Variants in KPNA1 observed in about 807,000 individuals in gnomAD.
KPNA1 encodes importin subunit alpha-5.
KPNA1 carries 10 observed loss-of-function variants against 70.5 expected under a neutral mutation model. The observed-to-expected ratio is 0.14, with a 90% confidence interval of 0.09 to 0.24. The LOEUF (loss-of-function observed/expected upper bound fraction) is 0.24, where lower values mean the gene tolerates loss of function less well. Among genes scored for constraint, KPNA1 ranks in the 10% least tolerant of loss-of-function variants. KPNA1 has a pLI of 1.00. For synonymous variants in KPNA1, 192 were observed against 221.9 expected (o/e 0.87, Z 1.20); for missense variants, 397 against 637.9 (o/e 0.62, Z 4.07).
chr3:122,451,484 C>A, intron 8 of KPNA1, 50 bp downstream of exon 8: 1 of 992,454 alleles, frequency 1.0e-6, no homozygotes, highest in South Asian at 1.6e-5. Context: ...GGTTGCAATA[C>A]TCTTTTAATT....
intron 3 of KPNA1, among the ~76,000 whole-genome samples, chr3:122,465,436 T>G (rs1484090349): frequency 6.6e-6 from 1 of 152,240 alleles, no homozygotes; most frequent in Non-Finnish European, 1.5e-5. Context: ...GACTATCTCG[T>G]GTAATTTACT....
rs1167727657 is a variant in KPNA1, at chr3:122,422,507, G to A, written c.*4478C>T. On this transcript the variant is annotated 3_prime_UTR_variant, in exon 14 of 14. Coordinates refer to ENST00000344337, the MANE Select transcript of KPNA1 (RefSeq NM_002264.4). ...TTTCGTCATTTTAAGGGTGCTGATG[G>A]TAAGCAGGAGTCAGGAAGAATGGTC... 1.3e-5 allele frequency: 2 copies of A among 152,174 alleles called. No individual in the cohort carries two copies. Among genetic ancestry groups the A allele is most frequent in the African/African-American group, 4.8e-5 (2 of 41,412 alleles). 9.4% of individuals were successfully genotyped at this position (152,174 alleles called of 1,614,324 possible). A position where few individuals can be genotyped will look rare whatever the true frequency, so the allele number is the denominator to read the frequency against.
At chr3:122,453,606 G>A (rs943618539) in intron 6 of KPNA1, among the ~76,000 whole-genome samples, 1 of 151,680 alleles carries the variant, frequency 6.6e-6, no homozygotes, top group African/African-American at 2.4e-5. Context: ...ACGCGATCTC[G>A]GCTCACTGTA....
chr3:122,476,879 A>AC (rs2076505543), intron 2 of KPNA1, among the ~76,000 whole-genome samples: 1 of 150,524 alleles, frequency 6.6e-6, no homozygotes, highest in Non-Finnish European at 1.5e-5. Context: ...AAAAAAAAAA[A>AC]AAAAACTAAA....
At chr3:122,452,265 TTTTG>T (rs1235759517) in intron 6 of KPNA1, among the ~76,000 whole-genome samples, 1 of 151,900 alleles carries the variant, frequency 6.6e-6, no homozygotes, top group Non-Finnish European at 1.5e-5. Flanking sequence ...ACTAATTCAT[TTTTG>T]TTTGTTTTTG....
chr3:122,473,076 C>T (rs1366678096), intron 2 of KPNA1, among the ~76,000 whole-genome samples: 1 of 151,920 alleles, frequency 6.6e-6, no homozygotes, highest in Non-Finnish European at 1.5e-5. Flanking sequence ...GAGACTCTGT[C>T]TCAAAAAAAT....
Position 122,453,992 on chromosome 3 carries a change from C to T in KPNA1, c.442G>A (p.Ala148Thr). Residue 148 changes from alanine (A) to threonine (T), a missense_variant, in exon 6 of 14, where the codon GCT (alanine) becomes ACT (threonine). By Grantham distance (58) the Ala-to-Thr change is moderately conservative (BLOSUM62 0). Transcript: ENST00000344337. ...KENCTLQFES[A>T]WVLTNIASGN... Reference sequence around the variant, plus strand: ...GAAGCAATATTTGTCAGTACCCAAGCTGATTCAAACTATAAAGATAAAAAT... The same window carrying T: ...GAAGCAATATTTGTCAGTACCCAAGTTGATTCAAACTATAAAGATAAAAAT... The T allele has an allele frequency of 6.3e-7, 1 of 1,593,342 alleles. No individual in the cohort carries two copies. Among genetic ancestry groups the T allele is most frequent in the Non-Finnish European group, 8.6e-7 (1 of 1,168,522 alleles).
intron 1 of KPNA1, among the ~76,000 whole-genome samples, chr3:122,506,600 T>C (rs2076893135): frequency 1.3e-5 from 2 of 152,210 alleles, no homozygotes; most frequent in African/African-American, 4.8e-5. Flanking sequence ...AACCCTTCAA[T>C]AAAGCTTTTC....
At chr3:122,462,641 A>G (rs1444702505) in intron 4 of KPNA1, among the ~76,000 whole-genome samples, 2 of 152,050 alleles carry the variant, frequency 1.3e-5, no homozygotes, top group African/African-American at 4.8e-5. Flanking sequence ...GTTGAAAGAG[A>G]TAAGACTTTT....
chr3:122,496,623 A>G, intron 1 of KPNA1, 53 bp from the exon 2 acceptor site: 2 of 1,542,016 alleles, frequency 1.3e-6, no homozygotes, highest in Non-Finnish European at 1.8e-6. Flanking sequence ...GAGCTCTGTT[A>G]TTCTAAGAGC....
At chr3:122,437,092 GT>G (rs1415688989) in intron 11 of KPNA1, 77 bp downstream of exon 11, 1 of 1,484,184 alleles carries the variant, frequency 6.7e-7, no homozygotes, top group African/African-American at 1.4e-5. Flanking sequence ...AAACAAATGT[GT>G]TTTAAAGGGT....
At chr3:122,430,685 G>A (rs369300826) in intron 12 of KPNA1, among the ~76,000 whole-genome samples, 35 of 152,164 alleles carry the variant, frequency 2.3e-4, no homozygotes, top group African/African-American at 6.7e-4. Context: ...AAACACACCC[G>A]CACAAAAACA....
intron 1 of KPNA1, among the ~76,000 whole-genome samples, chr3:122,505,700 A>T (rs2076883037): frequency 6.6e-6 from 1 of 152,134 alleles, no homozygotes; most frequent in African/African-American, 2.4e-5. Context: ...ATAGAAACAC[A>T]CTCTTTCAAA....
At chr3:122,433,603 GAT>G (rs1172738585) in intron 12 of KPNA1, 56 bp downstream of exon 12, 1 of 1,453,214 alleles carries the variant, frequency 6.9e-7, no homozygotes, top group African/African-American at 1.4e-5. Context: ...GTTATAAAGT[GAT>G]AGACACAATA....
intron 5 of KPNA1, among the ~76,000 whole-genome samples, chr3:122,456,253 TGTAA>T (rs748312870): frequency 5.3e-5 from 8 of 152,318 alleles, no homozygotes; most frequent in Non-Finnish European, 8.8e-5. Context: ...AGTCATATGA[TGTAA>T]GTATAAAAGC....
In KPNA1 at chr3:122,444,503, T is replaced by A. The variant is rs150668456; in HGVS notation, c.918-2387A>T. Among the ~76,000 whole-genome samples, 255 of 152,332 alleles carry A rather than the reference T, an allele frequency of 1.7e-3. 4 individuals are homozygous for A. Among genetic ancestry groups the A allele is most frequent in the African/African-American group, 5.6e-3 (234 of 41,578 alleles). On this transcript the variant is annotated intron_variant, in intron 9 of 13. Coordinates refer to ENST00000344337, the MANE Select transcript of KPNA1 (RefSeq NM_002264.4). ...ACACGCGTAAGAAATTATAAAAGTA[T>A]TAATTTGGGGAACTAATAAATGTCC...
At chr3:122,499,469 A>T (rs1223475267) in intron 1 of KPNA1, among the ~76,000 whole-genome samples, 1 of 151,984 alleles carries the variant, frequency 6.6e-6, no homozygotes, top group Non-Finnish European at 1.5e-5. Flanking sequence ...TTAACAGACA[A>T]GGGACGGGTA....
At chr3:122,459,725 A>C (rs2076302206) in intron 5 of KPNA1, 1 of 985,374 alleles carries the variant, frequency 1.0e-6, no homozygotes, top group African/African-American at 1.7e-5. Context: ...GGGAACTGGT[A>C]AGTGTCAAAC....
At chr3:122,479,589 G>A (rs1235534616) in intron 2 of KPNA1, among the ~76,000 whole-genome samples, 1 of 151,974 alleles carries the variant, frequency 6.6e-6, no homozygotes, top group African/African-American at 2.4e-5. Flanking sequence ...GTGAAACCCT[G>A]TCTCTACTAA....
Sources: gnomAD v4.1 joint callset for allele counts (sites outside exome capture counted in the v4.1 genomes callset) on GRCh38, gnomAD v4.1.1 for gene constraint, MANE v1.5 for transcripts, NCBI Gene and HGNC (gene_info 2026-07-23, HGNC 2026-07-21) for gene names.